The following TMEM116 variants were observed in gnomAD, a reference collection of about 807,000 sequenced individuals.
TMEM116 encodes transmembrane protein 116.
Under a neutral mutation model 44.3 loss-of-function variants are expected in TMEM116, and 38 were observed. That is an observed-to-expected ratio of 0.86 (90% confidence interval 0.66 to 1.12). The LOEUF (loss-of-function observed/expected upper bound fraction) is 1.12, where lower values mean the gene tolerates loss of function less well. Among genes scored for constraint, TMEM116 ranks in the 50% most tolerant of loss-of-function variants. The pLI is 0.00. For missense variants in TMEM116, 354 were observed against 401.7 expected (o/e 0.88, Z 1.01); for synonymous variants, 132 against 144.8 (o/e 0.91, Z 0.64).
chr12:111,993,233 G>A (rs915730515), intron 3 of TMEM116: 2 of 428,116 alleles, frequency 4.7e-6, no homozygotes, highest in Non-Finnish European at 9.5e-6. Context: ...CACACACTGC[G>A]GTCATTCCCC....
At chr12:112,009,312 T>C (rs1426481973) in intron 1 of TMEM116, among the ~76,000 whole-genome samples, 2 of 152,020 alleles carry the variant, frequency 1.3e-5, no homozygotes, top group African/African-American at 4.8e-5. Context: ...GTTAACCCAA[T>C]AAACCATTTG....
At chr12:111,977,039 C>T (rs1383763374) in intron 4 of TMEM116, among the ~76,000 whole-genome samples, 4 of 152,014 alleles carry the variant, frequency 2.6e-5, no homozygotes, top group Non-Finnish European at 5.9e-5. Flanking sequence ...GCAAAAGAAA[C>T]ATAAGAAATA....
intron 7 of TMEM116, 107 bp downstream of exon 7, chr12:111,937,053 T>C: frequency 8.7e-7 from 1 of 1,143,350 alleles, no homozygotes; most frequent in African/African-American, 1.5e-5. Flanking sequence ...CCATTTCTAA[T>C]ATTAGCACTT....
intron 4 of TMEM116, among the ~76,000 whole-genome samples, chr12:111,981,561 C>T (rs1660744444): frequency 6.6e-6 from 1 of 152,144 alleles, no homozygotes; most frequent in African/African-American, 2.4e-5. Context: ...TTGGAATTTT[C>T]TCAGAGCAGG....
intron 4 of TMEM116, among the ~76,000 whole-genome samples, chr12:111,991,397 GCCTGTAGT>G (rs2076580623): frequency 1.3e-5 from 2 of 150,950 alleles, no homozygotes; most frequent in African/African-American, 4.9e-5. Context: ...GGTGGTGGGC[GCCTGTAGT>G]CCCAGCTACT....
intron 4 of TMEM116, chr12:111,965,752 C>A (rs759643136): frequency 5.2e-6 from 2 of 383,430 alleles, no homozygotes; most frequent in Non-Finnish European, 1.0e-5. Context: ...GGCGAAACCC[C>A]GTCTCCCCTA....
chr12:111,980,696 T>A (rs1021703647), intron 4 of TMEM116, among the ~76,000 whole-genome samples: 2 of 152,196 alleles, frequency 1.3e-5, no homozygotes, highest in Non-Finnish European at 2.9e-5. Flanking sequence ...AACTCTGTAG[T>A]ATTTGCCCGA....
At chr12:111,969,585 G>GC (rs1276709548) in intron 4 of TMEM116, among the ~76,000 whole-genome samples, 1 of 146,648 alleles carries the variant, frequency 6.8e-6, no homozygotes, top group Non-Finnish European at 1.5e-5. Flanking sequence ...TTTTTCTGTT[G>GC]TTTTTTTTTT....
intron 4 of TMEM116, among the ~76,000 whole-genome samples, chr12:111,973,232 A>T (rs541078216): frequency 6.9e-4 from 105 of 152,382 alleles, no homozygotes; most frequent in African/African-American, 2.4e-3. Context: ...TAACAGCATG[A>T]TCCACAGAAA....
intron 2 of TMEM116, among the ~76,000 whole-genome samples, 159 bp from the exon 3 acceptor site, chr12:112,004,022 C>A (rs1214696182): frequency 6.6e-6 from 1 of 152,144 alleles, no homozygotes; most frequent in Non-Finnish European, 1.5e-5. Context: ...GCTATGTCAG[C>A]CAGGCTGGAG....
At chr12:111,987,681 A>C (rs2076304800) in intron 4 of TMEM116, among the ~76,000 whole-genome samples, 1 of 152,178 alleles carries the variant, frequency 6.6e-6, no homozygotes, top group African/African-American at 2.4e-5. Context: ...TTACTTAAAA[A>C]ACAAAAAAAC....
At chr12:111,966,670 C>G (rs1016112971) in intron 4 of TMEM116, among the ~76,000 whole-genome samples, 6 of 152,154 alleles carry the variant, frequency 3.9e-5, no homozygotes, top group Admixed American at 6.5e-5. Flanking sequence ...ACCTGTTGTT[C>G]AGGGCACTTC....
chr12:111,970,854 A>C (rs2075294014), intron 4 of TMEM116, among the ~76,000 whole-genome samples: 1 of 152,104 alleles, frequency 6.6e-6, no homozygotes, highest in South Asian at 2.1e-4. Flanking sequence ...GGCCTCCCAA[A>C]GTGCTGGGAT....
chr12:111,992,967 T>C (rs899184788), intron 3 of TMEM116: 1 of 155,848 alleles, frequency 6.4e-6, no homozygotes, highest in Non-Finnish European at 1.4e-5. Flanking sequence ...GGAGTAACAG[T>C]GGGGTGTTTG....
intron 4 of TMEM116, among the ~76,000 whole-genome samples, chr12:111,949,411 T>A (rs1751550733): frequency 6.6e-6 from 1 of 152,206 alleles, no homozygotes; most frequent in African/African-American, 2.4e-5. Flanking sequence ...GAATGTCATA[T>A]TTAAATTGTT....
Position 111,933,959 on chromosome 12 carries a change from C to T in TMEM116, c.660G>A (p.Gln220=), listed in dbSNP as rs2071895836. ...VKSTGFLGSE[Q]WAVIHIVDQR... is the part of the protein sequence containing the mutation. ...GGTCCACAATGTGAATCACTGCCCACTGTTCACTCCCCAGAAAGCCAGTTG... is the reference window on the plus strand; with the variant it reads ...GGTCCACAATGTGAATCACTGCCCATTGTTCACTCCCCAGAAAGCCAGTTG... The change falls in exon 9 of 11, where the codon CAG becomes CAA. Residue 220 remains glutamine, a synonymous_variant. Coordinates refer to ENST00000552374, the MANE Select transcript of TMEM116 (RefSeq NM_001193531.2). 2.5e-6 allele frequency: 4 copies of T among 1,614,058 alleles called. No homozygotes were observed. Among genetic ancestry groups the T allele is most frequent in the Non-Finnish European group, 3.4e-6 (4 of 1,180,048 alleles).
At position 112,003,883 on chromosome 12, in the gene TMEM116, A is replaced by C; in HGVS notation, c.15-20T>G. On this transcript the variant is annotated intron_variant, in intron 2 of 10. Transcript: ENST00000552374. ...ATAACACTGAGAAATTTAGAAGATG[A>C]TTGATCATTAAAGCAGGACAATGGA... 1 of 1,488,702 alleles carries C rather than the reference A, an allele frequency of 6.7e-7. No homozygotes were observed. Among genetic ancestry groups the C allele is most frequent in the Non-Finnish European group, 8.8e-7 (1 of 1,131,070 alleles). 92.2% of individuals were successfully genotyped at this position (1,488,702 alleles called of 1,614,324 possible).
At chr12:111,995,934 G>A (rs573751158) in intron 3 of TMEM116, among the ~76,000 whole-genome samples, 4 of 151,710 alleles carry the variant, frequency 2.6e-5, no homozygotes, top group African/African-American at 9.7e-5. Context: ...CAGCTACTTG[G>A]GAGTCTGAGG....
intron 1 of TMEM116, among the ~76,000 whole-genome samples, chr12:112,007,966 TA>T (rs1440744445): frequency 1.3e-5 from 2 of 152,220 alleles, no homozygotes; most frequent in Non-Finnish European, 2.9e-5. Context: ...CTTCCTTTTC[TA>T]AAAGGGCTAG....
Sources: allele counts gnomAD v4.1 joint callset (sites outside exome capture counted in the v4.1 genomes callset), GRCh38; gene constraint gnomAD v4.1.1; transcripts MANE v1.5; gene names NCBI Gene and HGNC (gene_info 2026-07-23, HGNC 2026-07-21).